The following PRKD2 variants were observed in gnomAD, a reference collection of about 807,000 sequenced individuals.
PRKD2 encodes serine/threonine-protein kinase D2.
In PRKD2, 22 loss-of-function variants were observed where a neutral mutation model predicts 86.0. That is an observed-to-expected ratio of 0.26 (90% confidence interval 0.18 to 0.37). The LOEUF (loss-of-function observed/expected upper bound fraction) is 0.37, where lower values mean the gene tolerates loss of function less well. Ranked by LOEUF, PRKD2 falls within the 10% of genes least tolerant of loss-of-function variation. The probability of loss-of-function intolerance (pLI) is 1.00; values close to 1 mark genes in which losing one functional copy is unlikely to be tolerated. For synonymous variants in PRKD2, 509 were observed against 510.9 expected, an observed-to-expected ratio of 1.00 and a Z score of 0.05; for missense variants, 818 against 1,199.2, an observed-to-expected ratio of 0.68 and a Z score of 4.70.
intron 3 of PRKD2, among the ~76,000 whole-genome samples, chr19:46,706,001 A>G (rs551080591): frequency 1.3e-5 from 2 of 151,704 alleles, no homozygotes; most frequent in Non-Finnish European, 2.9e-5. Context: ...AGAACCACAG[A>G]CATACACTAC....
intron 3 of PRKD2, among the ~76,000 whole-genome samples, chr19:46,709,641 G>A (rs574942747): frequency 8.2e-4 from 124 of 151,954 alleles, no homozygotes; most frequent in African/African-American, 2.8e-3. Context: ...GATTACAGGC[G>A]TGAGCCACCG....
At position 46,710,938 on chromosome 19, in the gene PRKD2, G is replaced by C. The variant is rs143631618; in HGVS notation, c.480C>G (p.Phe160Leu). The C allele has an allele frequency of 6.4e-7, 1 of 1,557,478 alleles. No individual in the cohort carries two copies. Among genetic ancestry groups the C allele is most frequent in the Non-Finnish European group, 8.7e-7 (1 of 1,149,856 alleles). The change falls in exon 3 of 18, where the codon TTC (phenylalanine) becomes TTG (leucine). Residue 160 changes from phenylalanine to leucine, a missense_variant. Phe to Leu is a conservative substitution (Grantham distance 22, BLOSUM62 0). Transcript: ENST00000291281. ...ACTTGAGGCCCTGGCGCACTAGGCC[G>C]AAGAGCATCTCCCCGCAGTGATCAC... ...AFCDHCGEML[F>L]GLVRQGLKCD...
chr19:46,705,028 C>A (rs1298500998), intron 3 of PRKD2, among the ~76,000 whole-genome samples: 2 of 151,822 alleles, frequency 1.3e-5, no homozygotes, highest in Non-Finnish European at 2.9e-5. Flanking sequence ...ACACGCCTCA[C>A]ACCCAAAATT....
chr19:46,695,698 G>A (rs2053547609), intron 9 of PRKD2, among the ~76,000 whole-genome samples: 1 of 152,206 alleles, frequency 6.6e-6, no homozygotes, highest in Non-Finnish European at 1.5e-5. Flanking sequence ...AGAAGGCACA[G>A]GGACTATGGG....
intron 1 of PRKD2, chr19:46,714,477 T>TTG (rs1555832999): frequency 7.3e-5 from 3 of 40,952 alleles, no homozygotes; most frequent in African/African-American, 2.0e-4. Flanking sequence ...CCTGGGAAAG[T>TTG]GGGGGGGGGG....
At chr19:46,708,981 T>G (rs1280177512) in intron 3 of PRKD2, among the ~76,000 whole-genome samples, 2 of 103,390 alleles carry the variant, frequency 1.9e-5, no homozygotes, top group Non-Finnish European at 4.4e-5. Context: ...GGTTTTTTTT[T>G]TTTTTTTTTT....
At chr19:46,676,493 A>C (rs887935872) in intron 16 of PRKD2, among the ~76,000 whole-genome samples, 1 of 152,226 alleles carries the variant, frequency 6.6e-6, no homozygotes, top group African/African-American at 2.4e-5. Context: ...CAGAAGGCTC[A>C]GAGATAGGCC....
intron 16 of PRKD2, chr19:46,677,338 G>T (rs950798695): frequency 1.3e-5 from 2 of 152,368 alleles, no homozygotes; most frequent in Non-Finnish European, 2.9e-5. Flanking sequence ...CCCAGAGCTG[G>T]AACAGTCAAT....
intron 14 of PRKD2, among the ~76,000 whole-genome samples, chr19:46,687,457 G>C (rs1418161600): frequency 6.6e-6 from 1 of 152,086 alleles, no homozygotes; most frequent in African/African-American, 2.4e-5. Context: ...AAATGAGTTT[G>C]ACATCACTAG....
In PRKD2 at chr19:46,678,541, C is replaced by A; in HGVS notation, c.2193G>T (p.Ser731=). 1 of 1,614,198 alleles carries A rather than the reference C, an allele frequency of 6.2e-7. No individual in the cohort carries two copies. The highest frequency in any genetic ancestry group is 8.5e-7 in the Non-Finnish European group (1 of 1,180,040). ...EVLLNQGYNR[S]LDMWSVGVIM... ...TCACGCCCACTGACCACATGTCCAG[C>A]GAGCGGTTGTAGCCCTGGTTGAGCA... The change falls in exon 16 of 18, where the codon TCG becomes TCT. Residue 731 remains serine, a synonymous_variant. Transcript: ENST00000291281. This position sits in a 1 kb window ranked among gnomAD's most constrained non-coding sequence, Gnocchi z 5.7.
chr19:46,704,341 G>C lies in PRKD2; in HGVS notation c.717C>G (p.Ser239=), dbSNP rs1333287321. Residue 239 remains serine (S), a synonymous_variant, in exon 5 of 18, where the codon TCC becomes TCG. Coordinates refer to ENST00000291281, the MANE Select transcript of PRKD2 (RefSeq NM_016457.5). ...CCGTATACGATGAGGCAGAAGAGGAGGAAGAGGATGACGGGGGACGGCGAG... is the reference window on the plus strand; with the variant it reads ...CCGTATACGATGAGGCAGAAGAGGACGAAGAGGATGACGGGGGACGGCGAG... The part of the protein sequence containing the change: ...LLPRRPPSSS[S]SSSASSYTGR... 1 of 1,614,210 alleles carries C rather than the reference G, an allele frequency of 6.2e-7. No individual in the cohort carries two copies. Among genetic ancestry groups the C allele is most frequent in the East Asian group, 2.2e-5 (1 of 44,884 alleles).
chr19:46,674,909 AG>A, intron 17 of PRKD2, 123 bp downstream of exon 17: 8 of 1,183,748 alleles, frequency 6.8e-6, no homozygotes, highest in Non-Finnish European at 9.6e-6. Flanking sequence ...AGCCAATGGG[AG>A]GCCTAGCCAC....
In PRKD2 at chr19:46,675,069, G is replaced by A; in HGVS notation, c.2388C>T (p.Tyr796=). 6.2e-7 allele frequency: 1 copy of A among 1,611,432 alleles called. No individual in the cohort carries two copies. Among genetic ancestry groups the A allele is most frequent in the South Asian group, 1.1e-5 (1 of 90,328 alleles). ...GGTGGCTGAGAGATTTGTCCACGCT[G>A]TAGCGTTTGCGCATCTTCACCTGCA... ...NLLQVKMRKR[Y]SVDKSLSHPW... The change falls in exon 17 of 18, where the codon TAC becomes TAT. Residue 796 remains tyrosine, a synonymous_variant. Transcript: ENST00000291281.
In PRKD2 at chr19:46,716,044, T is replaced by C; in HGVS notation, c.240+87A>G. 1 of 1,533,842 alleles carries C rather than the reference T, an allele frequency of 6.5e-7. No individual in the cohort carries two copies. ...AAAGCTCAGGTCTCCTTCCTCCCTC[T>C]TCCGCACACCAGGCCCCAGACCCCT... On this transcript the variant is annotated intron_variant, in intron 1 of 17. Coordinates refer to ENST00000291281, the MANE Select transcript of PRKD2 (RefSeq NM_016457.5). This position sits in a 1 kb window ranked among gnomAD's most constrained non-coding sequence, Gnocchi z 7.9.
Position 46,678,266 on chromosome 19 carries a change from G to A in PRKD2, c.2338+130C>T. 4.3e-6 allele frequency: 6 copies of A among 1,388,288 alleles called. No individual in the cohort carries two copies. The highest frequency in any genetic ancestry group is 2.5e-5 in the East Asian group (1 of 40,048). 86.0% of individuals were successfully genotyped at this position (1,388,288 alleles called of 1,614,324 possible). A position where few individuals can be genotyped will look rare whatever the true frequency, so the allele number is the denominator to read the frequency against. On this transcript the variant is annotated intron_variant, in intron 16 of 17. Transcript: ENST00000291281. This position sits in a 1 kb window ranked among gnomAD's most constrained non-coding sequence, Gnocchi z 5.7. ...GTAGCCACATCCCTCCAGTAGGCCC[G>A]CCCCAGCACTGGGCTCCACCCCCAA...
intron 7 of PRKD2, 70 bp from the exon 8 acceptor site, chr19:46,697,920 G>A: frequency 8.1e-7 from 1 of 1,236,326 alleles, no homozygotes; most frequent in Admixed American, 1.7e-5. Flanking sequence ...AATGCAGGGG[G>A]CATCTCTGGG....
At chr19:46,704,750 T>C in intron 3 of PRKD2, 101 bp from the exon 4 acceptor site, 1 of 1,424,676 alleles carries the variant, frequency 7.0e-7, no homozygotes, top group African/African-American at 1.4e-5. Flanking sequence ...CCTGGTCCTG[T>C]CCCATCACCC....
At chr19:46,676,563 C>G (rs1433982346) in intron 16 of PRKD2, among the ~76,000 whole-genome samples, 1 of 152,242 alleles carries the variant, frequency 6.6e-6, no homozygotes, top group African/African-American at 2.4e-5. Flanking sequence ...CAGCACTCAT[C>G]CGAGGCTCTC....
chr19:46,702,303 G>T (rs1426923488), intron 5 of PRKD2, among the ~76,000 whole-genome samples: 1 of 151,448 alleles, frequency 6.6e-6, no homozygotes, highest in Non-Finnish European at 1.5e-5. Flanking sequence ...GCCTCCCAAA[G>T]TGCTGGGATT....
Sources: allele counts gnomAD v4.1 joint callset (sites outside exome capture counted in the v4.1 genomes callset), GRCh38; gene constraint gnomAD v4.1.1; non-coding constraint Gnocchi (gnomAD v3.1); transcripts MANE v1.5; gene names NCBI Gene and HGNC (gene_info 2026-07-23, HGNC 2026-07-21).